Variants in SOS2 observed in about 807,000 individuals in gnomAD.
SOS2 encodes SOS Ras/Rho guanine nucleotide exchange factor 2.
SOS2 carries 65 observed loss-of-function variants against 148.2 expected under a neutral mutation model. The ratio of observed to expected loss-of-function variants is 0.44; its 90% CI spans 0.36 to 0.54. SOS2 has a LOEUF of 0.54. Ranked by LOEUF, SOS2 falls within the 20% of genes least tolerant of loss-of-function variation. SOS2 has a pLI of 0.00. For synonymous variants in SOS2, 539 were observed against 537.1 expected, an observed-to-expected ratio of 1.00 and a Z score of -0.05; for missense variants, 1,341 against 1,590.2, an observed-to-expected ratio of 0.84 and a Z score of 2.67.
intron 11 of SOS2, among the ~76,000 whole-genome samples, chr14:50,157,889 C>T (rs2139621381): frequency 6.6e-6 from 1 of 152,018 alleles, no homozygotes; most frequent in East Asian, 1.9e-4. Context: ...CAAATTCAAC[C>T]CAACACTAAT....
chr14:50,159,949 T>G lies in SOS2; in HGVS notation c.1334A>C (p.Glu445Ala). The change falls in exon 10 of 23, where the codon GAG (glutamate) becomes GCG (alanine). Residue 445 changes from glutamate (E) to alanine (A), a missense_variant. Glu to Ala is a moderately radical substitution (Grantham distance 107, BLOSUM62 -1). Around this residue, in one of 4 missense-constraint regions of SOS2, gnomAD observed 574 missense variants for 711.1 expected, o/e 0.81. Coordinates refer to ENST00000216373, the MANE Select transcript of SOS2 (RefSeq NM_006939.4). ...GGCACCGATTCTTGTCAATGGTCCC[T>G]CCATAATGAATTCATTACAACACTG... ...IGQCCNEFIM[E>A]GPLTRIGAKH... is the part of the protein sequence containing the mutation. 1.2e-6 allele frequency: 2 copies of G among 1,614,180 alleles called. No homozygotes were observed. The highest frequency in any genetic ancestry group is 1.7e-6 in the Non-Finnish European group (2 of 1,180,016).
At chr14:50,166,346 C>A (rs574818733) in intron 8 of SOS2, among the ~76,000 whole-genome samples, 2 of 152,224 alleles carry the variant, frequency 1.3e-5, no homozygotes, top group East Asian at 3.9e-4. Context: ...CCTTAACCCC[C>A]CAACCCCTGA....
intron 1 of SOS2, among the ~76,000 whole-genome samples, chr14:50,222,766 G>A (rs990658513): frequency 2.0e-5 from 3 of 152,190 alleles, no homozygotes; most frequent in Admixed American, 1.3e-4. Context: ...GCGGGAGGTG[G>A]GGCAGCCCTA....
At chr14:50,230,632 G>T (rs917144147) in intron 1 of SOS2, among the ~76,000 whole-genome samples, 18 of 152,160 alleles carry the variant, frequency 1.2e-4, no homozygotes, top group Non-Finnish European at 1.5e-5. Flanking sequence ...TTGTAAACAG[G>T]TAAGACACCG....
At chr14:50,189,331 C>CAAAAAAAAAAAAAAAAAAAAAAAACAA (rs761860061) in intron 4 of SOS2, among the ~76,000 whole-genome samples, 1 of 31,486 alleles carries the variant, frequency 3.2e-5, no homozygotes, top group Admixed American at 4.9e-4. Flanking sequence ...CACATAATAG[C>CAAAAAAAAAAAAAAAAAAAAAAAACAA]AAAAAAAAAA....
intron 14 of SOS2, among the ~76,000 whole-genome samples, chr14:50,146,307 A>G (rs1884469576): frequency 6.6e-6 from 1 of 152,104 alleles, no homozygotes; most frequent in African/African-American, 2.4e-5. Context: ...TGACTCAGCA[A>G]TTTGACTCTT....
rs147836984 is a variant in SOS2 at position 50,201,176 on chromosome 14, T to C, written c.214-92A>G. The C allele has an allele frequency of 3.0e-4, 347 of 1,164,790 alleles. 3 individuals are homozygous for C. The East Asian group carries it at 7.6e-3, about 25-fold the overall frequency. The allele number at this position is 1,164,790 out of a possible 1,614,324, so 72.2% of individuals were successfully genotyped here. On this transcript the variant is annotated intron_variant, in intron 2 of 22. Coordinates refer to ENST00000216373, the MANE Select transcript of SOS2 (RefSeq NM_006939.4). ...AATTCAACTTGATCTCTATTCTTAA[T>C]GCTAGCAGATAATAGTGACACAATA...
At chr14:50,175,562 A>C (rs73285533) in intron 7 of SOS2, among the ~76,000 whole-genome samples, 32,548 of 151,684 alleles carry the variant, frequency 0.21, 3,820 homozygotes, top group East Asian at 0.45. Flanking sequence ...CAAAAAACAT[A>C]AACAAGATCT....
At position 50,118,211 on chromosome 14, in the gene SOS2, T is replaced by G. The variant is rs1883356564; in HGVS notation, c.*133A>C. Reference sequence around the variant, plus strand: ...TTTTATTTTTCCAATTCTTAAAAGCTTATTTGATCAGTAGCATTTTTGTAA... The same window carrying G: ...TTTTATTTTTCCAATTCTTAAAAGCGTATTTGATCAGTAGCATTTTTGTAA... On this transcript the variant is annotated 3_prime_UTR_variant, in exon 23 of 23. Transcript: ENST00000216373. 1.3e-5 allele frequency: 10 copies of G among 747,452 alleles called. No homozygotes were observed. In the South Asian group the frequency reaches 1.6e-4, roughly 12 times the overall value. 46.3% of individuals were successfully genotyped at this position (747,452 alleles called of 1,614,324 possible).
chr14:50,118,951 G>C (rs1426633691), intron 22 of SOS2, 98 bp from the exon 23 acceptor site: 1 of 720,952 alleles, frequency 1.4e-6, no homozygotes, highest in South Asian at 2.8e-5. Context: ...GTTAAATTCA[G>C]AGGCTCAAAA....
chr14:50,119,475 T>A (rs1282838046), intron 22 of SOS2, among the ~76,000 whole-genome samples: 3 of 152,222 alleles, frequency 2.0e-5, no homozygotes, highest in Non-Finnish European at 4.4e-5. Context: ...CTACTGAAGT[T>A]TTTTTCCACC....
rs140994310 is a variant in SOS2 at position 50,209,274 on chromosome 14, C to CGTGTGTGTGTGTGTGTGTGTGTGTGTGT, written c.88-4893_88-4866dup. Among the ~76,000 whole-genome samples the CGTGTGTGTGTGTGTGTGTGTGTGTGTGT allele has an allele frequency of 4.3e-3, 510 of 118,358 alleles. 26 individuals are homozygous for CGTGTGTGTGTGTGTGTGTGTGTGTGTGT. The highest frequency in any genetic ancestry group is 5.7e-3 in the Non-Finnish European group (307 of 53,458). The allele number at this position is 118,358 out of a possible 152,430, so 77.6% of individuals were successfully genotyped here. ...CTCATGAGCCTATTTCCTTAAATGT[C>CGTGTGTGTGTGTGTGTGTGTGTGTGTGT]GTGTGTGTGTGTGTGTGTGTGTGTG... On this transcript the variant is annotated intron_variant, in intron 1 of 22. Coordinates refer to ENST00000216373, the MANE Select transcript of SOS2 (RefSeq NM_006939.4).
chr14:50,150,328 C>G, intron 13 of SOS2, 98 bp from the exon 14 acceptor site: 1 of 831,120 alleles, frequency 1.2e-6, no homozygotes, highest in Non-Finnish European at 2.0e-6. Flanking sequence ...TCAACAGTTA[C>G]CAACTCATGG....
In SOS2 at chr14:50,138,716, C is replaced by T. The variant is rs200387871; in HGVS notation, c.2854G>A (p.Asp952Asn). The change falls in exon 18 of 23, where the codon GAT becomes AAT. Residue 952 changes from aspartate (D) to asparagine (N), a missense_variant. Around this residue, in one of 4 missense-constraint regions of SOS2, gnomAD observed 408 missense variants for 506.6 expected, o/e 0.81. Coordinates refer to ENST00000216373, the MANE Select transcript of SOS2 (RefSeq NM_006939.4). Reference protein sequence around the residue: ...NNDFLKKKGKDLINFSKRRKV... With the variant: ...NNDFLKKKGKNLINFSKRRKV... ...CTCCTCTTACTGAAATTGATTAAAT[C>T]TTTCCCTTTCTTTTTTAAAAAATCA... is the stretch of plus-strand genomic sequence containing the variant. The T allele has an allele frequency of 2.8e-4, 376 of 1,349,748 alleles. No individual in the cohort carries two copies. The highest frequency in any genetic ancestry group is 2.0e-3 in the Middle Eastern group (11 of 5,454). The allele number at this position is 1,349,748 out of a possible 1,614,324, so 83.6% of individuals were successfully genotyped here.
At chr14:50,181,298 A>G (rs911331604) in intron 6 of SOS2, among the ~76,000 whole-genome samples, 4 of 152,136 alleles carry the variant, frequency 2.6e-5, no homozygotes, top group African/African-American at 9.7e-5. Context: ...AATACAAAAA[A>G]TTAGCTGGGC....
chr14:50,127,843 T>G (rs1883732687), intron 21 of SOS2, among the ~76,000 whole-genome samples: 1 of 152,202 alleles, frequency 6.6e-6, no homozygotes, highest in Non-Finnish European at 1.5e-5. Flanking sequence ...ACTGAGTAAG[T>G]AAATGAATGG....
intron 22 of SOS2, among the ~76,000 whole-genome samples, chr14:50,119,900 C>T (rs1380440046): frequency 6.9e-6 from 1 of 145,356 alleles, no homozygotes; most frequent in Admixed American, 7.2e-5. Context: ...CAACCTCCAA[C>T]TCCCAGGTTC....
At chr14:50,194,046 A>C (rs963434454) in intron 4 of SOS2, among the ~76,000 whole-genome samples, 1 of 152,106 alleles carries the variant, frequency 6.6e-6, no homozygotes, top group Non-Finnish European at 1.5e-5. Flanking sequence ...CGCCCGGCCA[A>C]GTCATCTGGA....
At chr14:50,219,325 T>C (rs1286595715) in intron 1 of SOS2, among the ~76,000 whole-genome samples, 3 of 152,058 alleles carry the variant, frequency 2.0e-5, no homozygotes, top group Non-Finnish European at 4.4e-5. Flanking sequence ...ATCTACACAA[T>C]GGAATACACT....
Sources: gnomAD v4.1 joint callset for allele counts (sites outside exome capture counted in the v4.1 genomes callset) on GRCh38, gnomAD v4.1.1 for gene constraint, gnomAD v4.1.1 regional missense constraint, MANE v1.5 for transcripts, NCBI Gene and HGNC (gene_info 2026-07-23, HGNC 2026-07-21) for gene names.